MCF2L: variants seen among roughly 807,000 people sequenced by gnomAD.
MCF2L encodes MCF.2 cell line derived transforming sequence like.
MCF2L carries 97 observed loss-of-function variants against 153.4 expected under a neutral mutation model. The ratio of observed to expected loss-of-function variants is 0.63; its 90% CI spans 0.54 to 0.75. MCF2L has a LOEUF of 0.75. Among genes scored for constraint, MCF2L ranks in the 30% least tolerant of loss-of-function variants. The pLI, the probability that MCF2L is intolerant of heterozygous loss-of-function variation, is 0.00. For synonymous variants in MCF2L, 659 were observed against 632.2 expected (o/e 1.04, Z -0.64); for missense variants, 1,347 against 1,495.2 (o/e 0.90, Z 1.64).
chr13:112,983,865 G>A lies in MCF2L; in HGVS notation c.79+14407G>A, dbSNP rs1426328187. Among the ~76,000 whole-genome samples, 1 of 152,228 alleles carries A rather than the reference G, an allele frequency of 6.6e-6. No homozygotes were observed. The highest frequency in any genetic ancestry group is 6.5e-5 in the Admixed American group (1 of 15,288). ...CCCGTGCTGCAGCTGTTTTCCTTGG[G>A]TTGAGCACTGAAAAGAGCCCCTTTG... On this transcript the variant is annotated intron_variant, in intron 1 of 29. Coordinates refer to ENST00000535094, the MANE Select transcript of MCF2L (RefSeq NM_001112732.3). This position sits in a 1 kb window ranked among gnomAD's most constrained non-coding sequence, Gnocchi z 4.0.
chr13:112,948,109 G>T (rs1275995108), intron 2 of MCF2L, among the ~76,000 whole-genome samples: 1 of 152,232 alleles, frequency 6.6e-6, no homozygotes, highest in East Asian at 1.9e-4. Flanking sequence ...TTGCATGGGT[G>T]TCCTGGGCTT....
intron 27 of MCF2L, chr13:113,096,129 G>A (rs745420831): frequency 1.7e-6 from 1 of 585,480 alleles, no homozygotes; most frequent in Non-Finnish European, 3.0e-6. Context: ...GTGGAGACCA[G>A]CGTGAGGGGC....
intron 2 of MCF2L, among the ~76,000 whole-genome samples, chr13:112,963,939 C>T (rs2081862720): frequency 6.6e-6 from 1 of 152,252 alleles, no homozygotes; most frequent in African/African-American, 2.4e-5. Context: ...GAGATTCCAC[C>T]CCAAGGACGC....
At position 113,030,557 on chromosome 13, in the gene MCF2L, G is replaced by A. The variant is rs2085617561; in HGVS notation, c.278+5799G>A. On this transcript the variant is annotated intron_variant, in intron 3 of 29. Transcript: ENST00000535094. ...CCCTCGGGTGTCCACCGACGCAGAT[G>A]TGGGCCCTCGGGTGTCCGCCGACGC... Among the ~76,000 whole-genome samples the A allele has an allele frequency of 2.7e-5, 4 of 148,944 alleles. No individual in the cohort carries two copies. In the South Asian group the frequency reaches 6.4e-4, roughly 24 times the overall value.
At chr13:112,919,372 A>AT (rs1260436755) in intron 2 of MCF2L, among the ~76,000 whole-genome samples, 10 of 151,020 alleles carry the variant, frequency 6.6e-5, no homozygotes, top group Admixed American at 5.9e-4. Context: ...CGCCCGGCTA[A>AT]TTTTTTGTAT....
chr13:112,926,788 C>A (rs949053289), intron 2 of MCF2L, among the ~76,000 whole-genome samples: 1 of 151,784 alleles, frequency 6.6e-6, no homozygotes, highest in Non-Finnish European at 1.5e-5. Flanking sequence ...GAGTGGCGGT[C>A]GCCTGGGGCA....
chr13:113,057,126 G>C (rs71446934), intron 4 of MCF2L, among the ~76,000 whole-genome samples: 47,531 of 141,828 alleles, frequency 0.34, 8,026 homozygotes, highest in Middle Eastern at 0.41. Context: ...CTGAGTGCTT[G>C]GGTGCTGTGT....
Position 112,993,124 on chromosome 13 carries a change from G to A in MCF2L, c.80-21639G>A, listed in dbSNP as rs761743064. On this transcript the variant is annotated intron_variant, in intron 1 of 29. Transcript: ENST00000535094. The surrounding 1 kb of genome is among the most constrained non-coding windows in gnomAD (Gnocchi z 4.6). ...AAGCCAGAGATTACCACGCGCTGCC[G>A]CGGAGGGAGAGGTAGCGCGGGGCAT... 2.4e-4 allele frequency among the ~76,000 whole-genome samples: 36 copies of A among 152,382 alleles called. No homozygotes were observed. The highest frequency in any genetic ancestry group is 3.9e-4 in the Admixed American group (6 of 15,308).
chr13:112,894,662 G>A (rs1191471236), intron 1 of MCF2L, among the ~76,000 whole-genome samples: 3 of 152,160 alleles, frequency 2.0e-5, no homozygotes, highest in African/African-American at 7.2e-5. Context: ...AGGCGCCTGG[G>A]GGGCTCGAAA....
rs2085382049 is a variant in MCF2L at position 113,027,432 on chromosome 13, G to A, written c.278+2674G>A. ...TTTCGGGGGCAGGACGTCTTGGTGG[G>A]CAGAAAGAAGGGGGCTCGTGACTGA... On this transcript the variant is annotated intron_variant, in intron 3 of 29. Coordinates refer to ENST00000535094, the MANE Select transcript of MCF2L (RefSeq NM_001112732.3). The surrounding 1 kb of genome is among the most constrained non-coding windows in gnomAD (Gnocchi z 4.8). 6.6e-6 allele frequency among the ~76,000 whole-genome samples: 1 copy of A among 152,188 alleles called. No homozygotes were observed. The highest frequency in any genetic ancestry group is 2.1e-4 in the South Asian group (1 of 4,828).
At chr13:112,978,127 G>A (rs1422275189) in intron 1 of MCF2L, among the ~76,000 whole-genome samples, 5 of 152,184 alleles carry the variant, frequency 3.3e-5, no homozygotes, top group South Asian at 2.1e-4. Flanking sequence ...AACACCACGC[G>A]AAATGCGCCA....
At chr13:113,088,059 G>A (rs528493359) in intron 23 of MCF2L, among the ~76,000 whole-genome samples, 1 of 152,338 alleles carries the variant, frequency 6.6e-6, no homozygotes, top group East Asian at 1.9e-4. Context: ...CGGTGCAAGT[G>A]TGCATCTGGC....
chr13:113,041,923 C>G (rs765005311), intron 3 of MCF2L, among the ~76,000 whole-genome samples: 2 of 152,162 alleles, frequency 1.3e-5, no homozygotes, highest in African/African-American at 4.8e-5. Flanking sequence ...TTCCCCTGTC[C>G]GTGCTCACAG....
rs139727933 is a variant in MCF2L at position 113,047,706 on chromosome 13, C to T, written c.369+2345C>T. 4.4e-3 allele frequency among the ~76,000 whole-genome samples: 663 copies of T among 152,384 alleles called. 3 individuals are homozygous for T. Among genetic ancestry groups the T allele is most frequent in the African/African-American group, 0.015 (639 of 41,592 alleles). ...TTTCATGCCCGTGGGGTCCAGGCAC[C>T]TGCATCTTCACACACCTGCCACAGC... On this transcript the variant is annotated intron_variant, in intron 4 of 29. Transcript: ENST00000535094.
intron 1 of MCF2L, among the ~76,000 whole-genome samples, chr13:112,995,277 G>A (rs1056194891): frequency 6.6e-5 from 10 of 152,338 alleles, no homozygotes; most frequent in Admixed American, 3.3e-4. Flanking sequence ...GCTCGCTCTC[G>A]AGCCTGTCCG....
At chr13:113,033,429 TGA>T (rs2085919955) in intron 3 of MCF2L, among the ~76,000 whole-genome samples, 3 of 126,670 alleles carry the variant, frequency 2.4e-5, no homozygotes, top group Non-Finnish European at 3.4e-5. Context: ...GTGGCCCCCA[TGA>T]TGTGAGTGGC....
At chr13:113,017,578 C>T (rs545356569) in intron 2 of MCF2L, among the ~76,000 whole-genome samples, 18 of 152,336 alleles carry the variant, frequency 1.2e-4, no homozygotes, top group East Asian at 7.7e-4. Flanking sequence ...TTTCAGGGGC[C>T]GCCTTGGACT....
chr13:113,070,796 G>A lies in MCF2L; in HGVS notation c.996+623G>A, dbSNP rs538498983. ...CGGTGGCTCACTCATTGTGTTCCCCGGTGTGGACGGACCACAGTTCTTTCA... is the reference window on the plus strand; with the variant it reads ...CGGTGGCTCACTCATTGTGTTCCCCAGTGTGGACGGACCACAGTTCTTTCA... On this transcript the variant is annotated intron_variant, in intron 9 of 29. Coordinates refer to ENST00000535094, the MANE Select transcript of MCF2L (RefSeq NM_001112732.3). This position sits in a 1 kb window ranked among gnomAD's most constrained non-coding sequence, Gnocchi z 5.6. 2.0e-5 allele frequency among the ~76,000 whole-genome samples: 3 copies of A among 152,276 alleles called. No individual in the cohort carries two copies. Among genetic ancestry groups the A allele is most frequent in the East Asian group, 3.9e-4 (2 of 5,184 alleles).
chr13:112,972,868 A>G (rs1338851545), intron 1 of MCF2L, among the ~76,000 whole-genome samples: 9 of 32,434 alleles, frequency 2.8e-4, no homozygotes, highest in African/African-American at 9.2e-4. Context: ...TGGATGAGCA[A>G]AAGCTGTGTG....
Sources: allele counts gnomAD v4.1 joint callset (sites outside exome capture counted in the v4.1 genomes callset), GRCh38; gene constraint gnomAD v4.1.1; non-coding constraint Gnocchi (gnomAD v3.1); transcripts MANE v1.5; gene names NCBI Gene and HGNC (gene_info 2026-07-23, HGNC 2026-07-21).